The following PCDH15 variants were observed in gnomAD, a reference collection of about 807,000 sequenced individuals.
PCDH15 encodes protocadherin-15.
A neutral mutation model predicts 178.5 loss-of-function variants in PCDH15; 129 were observed. That is an observed-to-expected ratio of 0.72 (90% confidence interval 0.63 to 0.84). The LOEUF (loss-of-function observed/expected upper bound fraction) is 0.84, where lower values mean the gene tolerates loss of function less well. Among genes scored for constraint, PCDH15 ranks in the 40% least tolerant of loss-of-function variants. The pLI, the probability that PCDH15 is intolerant of heterozygous loss-of-function variation, is 0.00. For missense variants in PCDH15, 2,230 were observed against 2,099.9 expected, an observed-to-expected ratio of 1.06 and a Z score of -1.21; for synonymous variants, 800 against 732.0, an observed-to-expected ratio of 1.09 and a Z score of -1.50.
chr10:54,299,432 G>C (rs2060016777), intron 8 of PCDH15, among the ~76,000 whole-genome samples: 1 of 152,026 alleles, frequency 6.6e-6, no homozygotes, highest in African/African-American at 2.4e-5. Context: ...TAAAAGCCAG[G>C]GTAAATTTAA....
chr10:54,092,050 C>T (rs898400966), intron 15 of PCDH15, among the ~76,000 whole-genome samples: 1 of 152,080 alleles, frequency 6.6e-6, no homozygotes, highest in Non-Finnish European at 1.5e-5. Flanking sequence ...ATCTCCTTTC[C>T]ATCTTGACGT....
At chr10:54,357,891 C>G (rs1172735294) in intron 5 of PCDH15, among the ~76,000 whole-genome samples, 1 of 151,880 alleles carries the variant, frequency 6.6e-6, no homozygotes, top group African/African-American at 2.4e-5. Context: ...TTTGACAAAC[C>G]TGACAAAAAC....
intron 3 of PCDH15, among the ~76,000 whole-genome samples, chr10:54,425,996 C>G (rs67193562): frequency 0.19 from 28,850 of 152,046 alleles, 3,217 homozygotes; most frequent in African/African-American, 0.3. Flanking sequence ...ACATTAATCT[C>G]TATCAGAGAA....
intron 15 of PCDH15, among the ~76,000 whole-genome samples, chr10:54,107,508 G>A (rs2094937472): frequency 1.3e-5 from 2 of 152,174 alleles, no homozygotes; most frequent in South Asian, 4.1e-4. Flanking sequence ...TAGAGCCTTA[G>A]TCAAATGAGA....
chr10:54,229,036 C>T (rs1032770945), intron 9 of PCDH15, among the ~76,000 whole-genome samples: 1 of 150,036 alleles, frequency 6.7e-6, no homozygotes, highest in African/African-American at 2.5e-5. Context: ...CAAACTAATG[C>T]TCAAAAAAAT....
chr10:53,905,900 T>C (rs1473972417), intron 25 of PCDH15, among the ~76,000 whole-genome samples: 1 of 151,904 alleles, frequency 6.6e-6, no homozygotes, highest in East Asian at 1.9e-4. Flanking sequence ...TGAAAACTAA[T>C]GACTATACAA....
At chr10:54,001,455 A>G (rs1332042812) in intron 20 of PCDH15, among the ~76,000 whole-genome samples, 1 of 151,616 alleles carries the variant, frequency 6.6e-6, no homozygotes, top group African/African-American at 2.4e-5. Flanking sequence ...TAGAGTTTTT[A>G]TTAGTTATTT....
intron 1 of PCDH15, among the ~76,000 whole-genome samples, chr10:55,197,969 T>C (rs960221167): frequency 6.6e-6 from 1 of 152,164 alleles, no homozygotes; most frequent in African/African-American, 2.4e-5. Flanking sequence ...CTGAATATAA[T>C]GTGCTGAATA....
chr10:55,488,335 G>T (rs892259069), intron 2 of PCDH15, among the ~76,000 whole-genome samples: 2 of 151,572 alleles, frequency 1.3e-5, no homozygotes, highest in Admixed American at 6.6e-5. Context: ...TTATGAGAGT[G>T]TCTACAGTGT....
intron 1 of PCDH15, among the ~76,000 whole-genome samples, chr10:55,189,069 A>C (rs2132143621): frequency 6.6e-6 from 1 of 152,012 alleles, no homozygotes; most frequent in Non-Finnish European, 1.5e-5. Flanking sequence ...AATTACCTTT[A>C]AAAATGATTT....
chr10:54,358,181 A>C (rs960143620), intron 5 of PCDH15, among the ~76,000 whole-genome samples: 19 of 148,936 alleles, frequency 1.3e-4, no homozygotes, highest in African/African-American at 2.5e-4. Context: ...TAATTAAACT[A>C]AAGAGCTTCT....
At chr10:54,411,136 T>C (rs1320845294) in intron 3 of PCDH15, among the ~76,000 whole-genome samples, 5 of 152,148 alleles carry the variant, frequency 3.3e-5, no homozygotes, top group Admixed American at 3.3e-4. Flanking sequence ...AGGTATGATC[T>C]AGGCTGACCC....
intron 3 of PCDH15, among the ~76,000 whole-genome samples, chr10:54,812,482 C>T (rs1952879213): frequency 6.6e-6 from 1 of 151,440 alleles, no homozygotes; most frequent in South Asian, 2.1e-4. Context: ...TTTTTTGAGA[C>T]GGAGTTTCAC....
At chr10:55,498,586 T>C (rs1358341969) in intron 2 of PCDH15, among the ~76,000 whole-genome samples, 1 of 151,886 alleles carries the variant, frequency 6.6e-6, no homozygotes, top group East Asian at 1.9e-4. Flanking sequence ...CTCAATTGTA[T>C]CTTTGAACAA....
intron 1 of PCDH15, among the ~76,000 whole-genome samples, chr10:54,776,099 A>G (rs1949674273): frequency 6.6e-6 from 1 of 152,148 alleles, no homozygotes; most frequent in African/African-American, 2.4e-5. Context: ...GCTGCAAATG[A>G]CAGAACTTCA....
intron 2 of PCDH15, among the ~76,000 whole-genome samples, chr10:54,959,755 T>C (rs1401249728): frequency 6.6e-6 from 1 of 152,048 alleles, no homozygotes; most frequent in Non-Finnish European, 1.5e-5. Context: ...AAAGAGGAAA[T>C]AATCAGACAA....
intron 1 of PCDH15, among the ~76,000 whole-genome samples, chr10:54,793,086 C>T (rs1236089943): frequency 1.3e-5 from 2 of 151,858 alleles, no homozygotes; most frequent in African/African-American, 2.4e-5. Context: ...TCCACTACTC[C>T]ATGTCACCAC....
intron 2 of PCDH15, among the ~76,000 whole-genome samples, chr10:55,563,746 A>C (rs1842246802): frequency 6.6e-6 from 1 of 151,918 alleles, no homozygotes; most frequent in Admixed American, 6.6e-5. Context: ...AAAGTCAAGG[A>C]AACGATGAAC....
intron 3 of PCDH15, among the ~76,000 whole-genome samples, chr10:54,467,601 G>GTTTTTTT (rs67776985): frequency 1.2e-3 from 56 of 45,648 alleles, no homozygotes; most frequent in Non-Finnish European, 1.4e-3. Flanking sequence ...TCAAGCTGTA[G>GTTTTTTT]TTTTTTTTTT....
Sources: allele counts gnomAD v4.1 joint callset (sites outside exome capture counted in the v4.1 genomes callset), GRCh38; gene constraint gnomAD v4.1.1; transcripts MANE v1.5; gene names NCBI Gene and HGNC (gene_info 2026-07-23, HGNC 2026-07-21).